Variants in SH2D4B observed in about 807,000 individuals in gnomAD.
SH2D4B encodes the protein SH2 domain-containing protein 4B.
A neutral mutation model predicts 61.5 loss-of-function variants in SH2D4B; 45 were observed. That is an observed-to-expected ratio of 0.73 (90% CI 0.58 to 0.94). The LOEUF (loss-of-function observed/expected upper bound fraction) is 0.94, where lower values mean the gene tolerates loss of function less well. Ranked by LOEUF, SH2D4B falls within the 40% of genes least tolerant of loss-of-function variation. The probability of loss-of-function intolerance (pLI) is 0.00; values close to 1 mark genes in which losing one functional copy is unlikely to be tolerated. For missense variants in SH2D4B, 572 were observed against 574.2 expected (o/e 1.00, Z 0.04); for synonymous variants, 224 against 220.4 (o/e 1.02, Z -0.14).
chr10:80,586,158 C>A (rs7095318), intron 3 of SH2D4B, among the ~76,000 whole-genome samples: 17,638 of 152,136 alleles, frequency 0.12, 1,165 homozygotes, highest in East Asian at 0.25. Context: ...GAGCCTCCCC[C>A]TCCTCCATGG....
chr10:80,584,326 G>A (rs375053018), intron 3 of SH2D4B, among the ~76,000 whole-genome samples: 7 of 152,184 alleles, frequency 4.6e-5, no homozygotes, highest in East Asian at 3.8e-4. Context: ...GATGGCACCC[G>A]GGGTAGTGTG....
intron 7 of SH2D4B, among the ~76,000 whole-genome samples, chr10:80,635,322 C>T (rs1842884074): frequency 6.6e-6 from 1 of 152,164 alleles, no homozygotes; most frequent in Admixed American, 6.5e-5. Context: ...ACTCAGTGAC[C>T]TGGAAGGGCA....
intron 6 of SH2D4B, among the ~76,000 whole-genome samples, chr10:80,625,530 CTT>C (rs1842759479): frequency 6.7e-6 from 1 of 148,630 alleles, no homozygotes; most frequent in Non-Finnish European, 1.5e-5. Context: ...AAATTGTTTT[CTT>C]GTTTTTTATT....
Position 80,635,641 on chromosome 10 carries a change from G to A in SH2D4B, c.1209+1136G>A, listed in dbSNP as rs147580185. On this transcript the variant is annotated intron_variant, in intron 7 of 7. Coordinates refer to ENST00000646907, the MANE Select transcript of SH2D4B (RefSeq NM_001388272.1). ...GGATCAAGGTTGATTTCTACGTGTT[G>A]GAAAGAGCCTTCTAACAGAGGAAAG... Among the ~76,000 whole-genome samples, 1,063 of 152,212 alleles carry A rather than the reference G, an allele frequency of 7.0e-3. 11 individuals carry two copies. The highest frequency in any genetic ancestry group is 0.024 in the African/African-American group (1,009 of 41,530).
chr10:80,564,897 G>A (rs1002219420), intron 1 of SH2D4B, among the ~76,000 whole-genome samples: 1 of 152,240 alleles, frequency 6.6e-6, no homozygotes, highest in African/African-American at 2.4e-5. Flanking sequence ...ATTGAGGAAT[G>A]AATGATTTGC....
chr10:80,554,123 A>G (rs1589332791), intron 1 of SH2D4B, among the ~76,000 whole-genome samples: 1 of 152,256 alleles, frequency 6.6e-6, no homozygotes, highest in Non-Finnish European at 1.5e-5. Context: ...GAACTTTTCC[A>G]GAAGACTGAA....
chr10:80,559,852 G>A (rs1841881364), intron 1 of SH2D4B, among the ~76,000 whole-genome samples: 1 of 151,546 alleles, frequency 6.6e-6, no homozygotes, highest in Non-Finnish European at 1.5e-5. Flanking sequence ...TCCTAGGCTG[G>A]TCTCAAACTC....
intron 5 of SH2D4B, among the ~76,000 whole-genome samples, chr10:80,604,206 G>T (rs953366115): frequency 2.0e-5 from 3 of 152,230 alleles, no homozygotes; most frequent in Admixed American, 6.5e-5. Context: ...CTTGCTGCCT[G>T]TCGGAGCCCC....
At chr10:80,598,125 A>G (rs72805745) in intron 4 of SH2D4B, among the ~76,000 whole-genome samples, 3,262 of 152,310 alleles carry the variant, frequency 0.021, 40 homozygotes, top group Middle Eastern at 0.044. Flanking sequence ...CCCACTTACT[A>G]GTGTGGCCTT....
intron 7 of SH2D4B, 94 bp downstream of exon 7, chr10:80,634,599 C>T: frequency 6.7e-7 from 1 of 1,494,506 alleles, no homozygotes; most frequent in Non-Finnish European, 8.9e-7. Context: ...AGGCTGCTGG[C>T]TCTGGGCAGT....
chr10:80,628,763 C>T (rs1842794008), intron 6 of SH2D4B, among the ~76,000 whole-genome samples: 2 of 152,180 alleles, frequency 1.3e-5, no homozygotes, highest in Admixed American at 1.3e-4. Flanking sequence ...CGTGGTGGCT[C>T]ATGCCTGTAA....
At chr10:80,617,626 C>T (rs187108221) in intron 6 of SH2D4B, among the ~76,000 whole-genome samples, 348 of 151,738 alleles carry the variant, frequency 2.3e-3, no homozygotes, top group African/African-American at 8.1e-3. Flanking sequence ...TGAGAAACAA[C>T]AACAAAAAAT....
intron 4 of SH2D4B, among the ~76,000 whole-genome samples, chr10:80,601,686 T>G (rs1396999483): frequency 6.6e-6 from 1 of 152,250 alleles, no homozygotes; most frequent in Non-Finnish European, 1.5e-5. Context: ...TCATGCTGCC[T>G]TCTTCAGATC....
chr10:80,617,013 G>A (rs558533822), intron 6 of SH2D4B, among the ~76,000 whole-genome samples: 1 of 152,382 alleles, frequency 6.6e-6, no homozygotes, highest in South Asian at 2.1e-4. Context: ...GAGGCACAGA[G>A]AGGTGAAGTC....
At chr10:80,615,306 T>G (rs1842648483) in intron 6 of SH2D4B, among the ~76,000 whole-genome samples, 1 of 152,182 alleles carries the variant, frequency 6.6e-6, no homozygotes, top group African/African-American at 2.4e-5. Flanking sequence ...TGAGAAACTA[T>G]CCCACATTTG....
intron 6 of SH2D4B, among the ~76,000 whole-genome samples, chr10:80,625,898 A>C (rs538132972): frequency 1.3e-5 from 2 of 152,008 alleles, no homozygotes; most frequent in Admixed American, 1.3e-4. Flanking sequence ...TTTGATCTGT[A>C]CTTGGTTGAA....
chr10:80,602,306 TA>T (rs1215992183), intron 4 of SH2D4B, among the ~76,000 whole-genome samples: 1 of 151,882 alleles, frequency 6.6e-6, no homozygotes, highest in Admixed American at 6.6e-5. Context: ...TACAAAAAAT[TA>T]AAAAACTTAG....
At chr10:80,543,359 G>T (rs962690742) in intron 1 of SH2D4B, among the ~76,000 whole-genome samples, 1 of 151,956 alleles carries the variant, frequency 6.6e-6, no homozygotes, top group African/African-American at 2.4e-5. Context: ...CCACCTGGCC[G>T]GCCCCACCGG....
chr10:80,585,918 C>T (rs1023841602), intron 3 of SH2D4B, among the ~76,000 whole-genome samples: 10 of 151,806 alleles, frequency 6.6e-5, no homozygotes, highest in Non-Finnish European at 1.3e-4. Flanking sequence ...GTGGCGCTTG[C>T]GGGCCAGCTG....
Sources: gnomAD v4.1 joint callset for allele counts (sites outside exome capture counted in the v4.1 genomes callset) on GRCh38, gnomAD v4.1.1 for gene constraint, MANE v1.5 for transcripts, NCBI Gene and HGNC (gene_info 2026-07-23, HGNC 2026-07-21) for gene names.